The following RIC1 variants were observed in gnomAD, a reference collection of about 807,000 sequenced individuals.
The protein encoded by RIC1 is RIC1 partner of RAB6A GEF complex, also known as guanine nucleotide exchange factor subunit RIC1.
A neutral mutation model predicts 169.0 loss-of-function variants in RIC1; 88 were observed. That is an observed-to-expected ratio of 0.52 (90% CI 0.44 to 0.62). The LOEUF (loss-of-function observed/expected upper bound fraction) is 0.62. Among genes scored for constraint, RIC1 ranks in the 20% least tolerant of loss-of-function variants. The pLI is 0.00. For missense variants in RIC1, 1,877 were observed against 1,725.5 expected, an observed-to-expected ratio of 1.09 and a Z score of -1.56; for synonymous variants, 790 against 601.5, an observed-to-expected ratio of 1.31 and a Z score of -4.59.
Position 5,769,117 on chromosome 9 carries a change from C to T in RIC1, c.3285C>T (p.Cys1095=). Residue 1095 remains cysteine, a synonymous_variant, in exon 22 of 26, where the codon TGC becomes TGT. Coordinates refer to ENST00000414202, the MANE Select transcript of RIC1 (RefSeq NM_020829.4). ...GCTTTGAACTAATTAGTTGGCTATGCAAGGAACGTACCCGAGCCGCCCGGG... is the reference window on the plus strand; with the variant it reads ...GCTTTGAACTAATTAGTTGGCTATGTAAGGAACGTACCCGAGCCGCCCGGG... ...QLGFELISWL[C]KERTRAARVD... 1 of 1,614,102 alleles carries T rather than the reference C, an allele frequency of 6.2e-7. No individual in the cohort carries two copies. The highest frequency in any genetic ancestry group is 8.5e-7 in the Non-Finnish European group (1 of 1,179,990).
chr9:5,651,328 T>C (rs1470718024), intron 1 of RIC1, among the ~76,000 whole-genome samples: 4 of 152,096 alleles, frequency 2.6e-5, no homozygotes, highest in South Asian at 2.1e-4. Flanking sequence ...TTAGATGTTC[T>C]GTTGAAAGTG....
chr9:5,763,698 A>G lies in RIC1; in HGVS notation c.2671A>G (p.Ile891Val). 6.2e-7 allele frequency: 1 copy of G among 1,614,124 alleles called. No homozygotes were observed. The highest frequency in any genetic ancestry group is 8.5e-7 in the Non-Finnish European group (1 of 1,180,012). ...TCTGCTTCCCACTGTGGCAAAATTTATCACTGAGTTCCCCCTCTTCCTGCA... is the reference window on the plus strand; with the variant it reads ...TCTGCTTCCCACTGTGGCAAAATTTGTCACTGAGTTCCCCCTCTTCCTGCA... ...DPLLPTVAKF[I>V]TEFPLFLQTV... Residue 891 changes from isoleucine (I) to valine (V), a missense_variant, in exon 19 of 26, where the codon ATC becomes GTC. Ile to Val is a conservative substitution (Grantham distance 29). Around this residue, in one of 3 missense-constraint regions of RIC1, gnomAD observed 92 missense variants for 151.5 expected, o/e 0.61. Transcript: ENST00000414202. The surrounding 1 kb of genome is among the most constrained non-coding windows in gnomAD (Gnocchi z 5.2).
chr9:5,750,716 C>CTA (rs1825669933), intron 12 of RIC1, among the ~76,000 whole-genome samples: 1 of 151,754 alleles, frequency 6.6e-6, no homozygotes, highest in African/African-American at 2.4e-5. Context: ...CTCAGTTTTC[C>CTA]AGTGATGTGG....
At chr9:5,765,847 T>G (rs1330779796) in intron 21 of RIC1, 49 bp downstream of exon 21, 1 of 1,597,454 alleles carries the variant, frequency 6.3e-7, no homozygotes, top group Admixed American at 1.7e-5. Context: ...CATGACACAT[T>G]GCATTTCAAG....
At chr9:5,757,591 C>T (rs1826082939) in intron 17 of RIC1, 140 bp downstream of exon 17, 1 of 807,136 alleles carries the variant, frequency 1.2e-6, no homozygotes, top group Non-Finnish European at 1.9e-6. Context: ...GTTGCAGTGG[C>T]AAATTAAAAA....
At chr9:5,773,874 A>C (rs558716464) in intron 25 of RIC1, 84 bp from the exon 26 acceptor site, 3 of 1,281,054 alleles carry the variant, frequency 2.3e-6, no homozygotes, top group Non-Finnish European at 2.2e-6. Flanking sequence ...TACCATATCA[A>C]TGTTCAGTAG....
At chr9:5,727,721 G>T (rs936394807) in intron 6 of RIC1, among the ~76,000 whole-genome samples, 1 of 152,112 alleles carries the variant, frequency 6.6e-6, no homozygotes, top group African/African-American at 2.4e-5. Flanking sequence ...ATGGGGTTTT[G>T]GTGTGGATGT....
chr9:5,680,121 C>G (rs1447287608), intron 2 of RIC1, among the ~76,000 whole-genome samples: 1 of 152,154 alleles, frequency 6.6e-6, no homozygotes, highest in Admixed American at 6.5e-5. Flanking sequence ...GTCTTTGGCT[C>G]TGTTTATATG....
chr9:5,760,546 G>A (rs1215756571), intron 17 of RIC1, among the ~76,000 whole-genome samples: 2 of 152,114 alleles, frequency 1.3e-5, no homozygotes, highest in African/African-American at 4.8e-5. Flanking sequence ...AAGTGTTTTA[G>A]TGTATGCAGT....
At chr9:5,659,627 A>G (rs1819328240) in intron 2 of RIC1, among the ~76,000 whole-genome samples, 1 of 152,220 alleles carries the variant, frequency 6.6e-6, no homozygotes. Flanking sequence ...CATTAATTTA[A>G]GTCTTCCAGC....
intron 2 of RIC1, among the ~76,000 whole-genome samples, chr9:5,673,546 A>ATATATATTATT (rs1400905849): frequency 5.3e-4 from 77 of 144,334 alleles, no homozygotes; most frequent in Non-Finnish European, 1.0e-3. Context: ...ATATATATAT[A>ATATATATTATT]TATATATATA....
intron 17 of RIC1, among the ~76,000 whole-genome samples, chr9:5,760,418 C>G (rs575579954): frequency 1.3e-5 from 2 of 152,262 alleles, no homozygotes; most frequent in South Asian, 2.1e-4. Context: ...GAGAAGTGTA[C>G]TTTTTTAATG....
downstream of RIC1, among the ~76,000 whole-genome samples, chr9:5,778,630 C>T (rs1260483779): frequency 6.6e-6 from 1 of 152,192 alleles, no homozygotes; most frequent in Non-Finnish European, 1.5e-5. Flanking sequence ...TACATTGCAT[C>T]TACTGAAGTA....
At chr9:5,771,014 C>T (rs1030918350) in intron 23 of RIC1, among the ~76,000 whole-genome samples, 5 of 152,082 alleles carry the variant, frequency 3.3e-5, no homozygotes, top group African/African-American at 4.8e-5. Flanking sequence ...TCACTATTAC[C>T]TGAGCTTCTG....
chr9:5,716,544 C>T (rs752062094), intron 4 of RIC1, among the ~76,000 whole-genome samples: 5 of 152,202 alleles, frequency 3.3e-5, no homozygotes, highest in Non-Finnish European at 7.3e-5. Context: ...ACCCGGGAGG[C>T]AGAGGTTGCA....
At chr9:5,765,283 T>C in intron 19 of RIC1, 131 bp from the exon 20 acceptor site, 1 of 912,698 alleles carries the variant, frequency 1.1e-6, no homozygotes, top group Non-Finnish European at 1.7e-6. Flanking sequence ...TACTTTTTAA[T>C]CTTATTATTA....
intron 21 of RIC1, among the ~76,000 whole-genome samples, chr9:5,766,017 A>G (rs1826713950): frequency 6.6e-6 from 1 of 152,140 alleles, no homozygotes; most frequent in Non-Finnish European, 1.5e-5. Flanking sequence ...CTTTTTCTGG[A>G]ATAGATCTTC....
At chr9:5,686,712 G>T (rs563425102) in intron 2 of RIC1, among the ~76,000 whole-genome samples, 2 of 151,840 alleles carry the variant, frequency 1.3e-5, no homozygotes, top group Admixed American at 1.3e-4. Context: ...CACCAGTATG[G>T]CACATGTATA....
intron 7 of RIC1, among the ~76,000 whole-genome samples, chr9:5,736,702 C>T (rs1208016273): frequency 1.3e-5 from 2 of 152,022 alleles, no homozygotes; most frequent in African/African-American, 4.8e-5. Context: ...GAGGTGAAAA[C>T]TATGATGTCT....
Sources: allele counts gnomAD v4.1 joint callset (sites outside exome capture counted in the v4.1 genomes callset), GRCh38; gene constraint gnomAD v4.1.1; regional missense constraint gnomAD v4.1.1; non-coding constraint Gnocchi (gnomAD v3.1); transcripts MANE v1.5; gene names NCBI Gene and HGNC (gene_info 2026-07-23, HGNC 2026-07-21).